ZNF236: variants seen among roughly 807,000 people sequenced by gnomAD.
ZNF236 encodes zinc finger protein 236, also known as regulated by glucose.
In ZNF236, 50 loss-of-function variants were observed where a neutral mutation model predicts 191.2. That is an observed-to-expected ratio of 0.26 (90% CI 0.21 to 0.33). The LOEUF (loss-of-function observed/expected upper bound fraction) is 0.33. Among genes scored for constraint, ZNF236 ranks in the 10% least tolerant of loss-of-function variants. ZNF236 has a pLI of 1.00. For missense variants in ZNF236, 1,754 were observed against 2,374.5 expected, an observed-to-expected ratio of 0.74 and a Z score of 5.43; for synonymous variants, 907 against 928.8, an observed-to-expected ratio of 0.98 and a Z score of 0.43.
chr18:76,931,949 C>A (rs595082), intron 25 of ZNF236, among the ~76,000 whole-genome samples: 99,778 of 152,064 alleles, frequency 0.66, 33,597 homozygotes, highest in East Asian at 0.86. Context: ...TTTCATGCTT[C>A]ATTCTTAATT....
Position 76,960,554 on chromosome 18 carries a change from C to A in ZNF236, c.5243-125C>A, listed in dbSNP as rs1012196085. 1.6e-6 allele frequency: 2 copies of A among 1,269,048 alleles called. No homozygotes were observed. Among genetic ancestry groups the A allele is most frequent in the African/African-American group, 3.0e-5 (2 of 67,250 alleles). 78.6% of individuals were successfully genotyped at this position (1,269,048 alleles called of 1,614,324 possible). A position where few individuals can be genotyped will look rare whatever the true frequency, so the allele number is the denominator to read the frequency against. On this transcript the variant is annotated intron_variant, in intron 29 of 30. Transcript: ENST00000320610. The surrounding 1 kb of genome is among the most constrained non-coding windows in gnomAD (Gnocchi z 4.4). Reference sequence around the variant, plus strand: ...CTCCTCCAGCCCTTTGTTCAGATGACAGCCAGGCTGAAAGCCTAAAAGAAA... The same window carrying A: ...CTCCTCCAGCCCTTTGTTCAGATGAAAGCCAGGCTGAAAGCCTAAAAGAAA...
At chr18:76,868,952 T>C (rs1356436511) in intron 4 of ZNF236, 89 bp downstream of exon 4, 1 of 1,346,432 alleles carries the variant, frequency 7.4e-7, no homozygotes, top group Non-Finnish European at 1.0e-6. Context: ...AAATATTTGC[T>C]GCAAGAACCC....
Position 76,880,208 on chromosome 18 carries a change from C to T in ZNF236, c.1080C>T (p.Ile360=), listed in dbSNP as rs770686933. Residue 360 remains isoleucine (I), a synonymous_variant, in exon 8 of 31, where the codon ATC becomes ATT. Transcript: ENST00000320610. This position sits in a 1 kb window ranked among gnomAD's most constrained non-coding sequence, Gnocchi z 5.0. ...GCTCCCAGGCGGTGAGCGACGTCATCCAGCAGCTCCTGGAGCTCTCAGAGC... is the reference window on the plus strand; with the variant it reads ...GCTCCCAGGCGGTGAGCGACGTCATTCAGCAGCTCCTGGAGCTCTCAGAGC... ...QPSSQAVSDV[I]QQLLELSEPA... 2 of 1,614,044 alleles carry T rather than the reference C, an allele frequency of 1.2e-6. No individual in the cohort carries two copies. The highest frequency in any genetic ancestry group is 2.2e-5 in the East Asian group (1 of 44,886).
rs780026489 is a variant in ZNF236 at position 76,843,775 on chromosome 18, CA to C, written c.56-5721del. 9.2e-3 allele frequency among the ~76,000 whole-genome samples: 76 copies of C among 8,244 alleles called. 2 individuals carry two copies. Among genetic ancestry groups the C allele is most frequent in the African/African-American group, 0.019 (25 of 1,310 alleles). 5.4% of individuals were successfully genotyped at this position (8,244 alleles called of 152,430 possible). On this transcript the variant is annotated intron_variant, in intron 1 of 30. Transcript: ENST00000320610. ...TGGGCTACAGAGGGAGACTCCGTCT[CA>C]AAAAAAAAAAAAAAAAAAAAAAAAA...
intron 1 of ZNF236, among the ~76,000 whole-genome samples, chr18:76,828,123 C>T (rs1975066767): frequency 6.6e-6 from 1 of 151,290 alleles, no homozygotes; most frequent in African/African-American, 2.4e-5. Flanking sequence ...TTCAAGAGCC[C>T]AAGGGGAGGC....
chr18:76,839,720 A>G (rs1975426219), intron 1 of ZNF236, among the ~76,000 whole-genome samples: 1 of 152,030 alleles, frequency 6.6e-6, no homozygotes. Flanking sequence ...TTTATTGAAC[A>G]TGGGGACAGA....
chr18:76,921,652 G>A (rs868641584), intron 20 of ZNF236, among the ~76,000 whole-genome samples: 30 of 151,900 alleles, frequency 2.0e-4, no homozygotes, highest in African/African-American at 7.2e-4. Flanking sequence ...CAGCCAATTA[G>A]CAGAGACAAA....
chr18:76,844,941 G>T (rs962757836), intron 1 of ZNF236, among the ~76,000 whole-genome samples: 4 of 152,176 alleles, frequency 2.6e-5, no homozygotes, highest in African/African-American at 9.7e-5. Flanking sequence ...TGGAGTGATG[G>T]GTAGGGCATT....
At chr18:76,838,782 A>C (rs1221991345) in intron 1 of ZNF236, among the ~76,000 whole-genome samples, 1 of 152,206 alleles carries the variant, frequency 6.6e-6, no homozygotes, top group Non-Finnish European at 1.5e-5. Context: ...TGGTTGGCTC[A>C]ATGAATTTTT....
At chr18:76,912,416 CCCGCT>C in intron 17 of ZNF236, 69 bp downstream of exon 17, 1 of 1,170,570 alleles carries the variant, frequency 8.5e-7, no homozygotes, top group Non-Finnish European at 1.3e-6. Flanking sequence ...GTGTGTTTGC[CCCGCT>C]CCAAGGGCTC....
chr18:76,897,159 T>C (rs186298617), intron 10 of ZNF236, among the ~76,000 whole-genome samples: 133 of 150,748 alleles, frequency 8.8e-4, no homozygotes, highest in African/African-American at 3.0e-3. Flanking sequence ...AACATAGTAC[T>C]GCACACAGGT....
In ZNF236 at chr18:76,908,692, G is replaced by A. The variant is rs1432744146; in HGVS notation, c.2551+119G>A. ...ACTTTTAAAACAATTTGTGCTGTAT[G>A]TGAAAGAGATTGAATTGAGTATTTG... On this transcript the variant is annotated intron_variant, in intron 14 of 30. Transcript: ENST00000320610. The A allele has an allele frequency of 3.8e-5, 50 of 1,312,012 alleles. No individual in the cohort carries two copies. The East Asian group carries it at 9.6e-4, about 25-fold the overall frequency. The allele number at this position is 1,312,012 out of a possible 1,614,324, so 81.3% of individuals were successfully genotyped here. A position where few individuals can be genotyped will look rare whatever the true frequency, so the allele number is the denominator to read the frequency against.
intron 3 of ZNF236, among the ~76,000 whole-genome samples, chr18:76,852,731 G>T (rs1252458190): frequency 6.6e-6 from 1 of 152,084 alleles, no homozygotes; most frequent in African/African-American, 2.4e-5. Flanking sequence ...AAAGGAGAAA[G>T]TCATCTCTAA....
At chr18:76,859,737 A>G (rs137965187) in intron 3 of ZNF236, among the ~76,000 whole-genome samples, 61 of 152,204 alleles carry the variant, frequency 4.0e-4, no homozygotes, top group African/African-American at 1.4e-3. Context: ...CATGTGACCT[A>G]TTCCTGGGCC....
intron 26 of ZNF236, among the ~76,000 whole-genome samples, chr18:76,938,501 G>A (rs1350713273): frequency 6.6e-6 from 1 of 152,178 alleles, no homozygotes; most frequent in Non-Finnish European, 1.5e-5. Context: ...AGCAGGATTG[G>A]CCCTAACACT....
intron 1 of ZNF236, among the ~76,000 whole-genome samples, chr18:76,826,817 A>C (rs1975032707): frequency 6.7e-6 from 1 of 150,308 alleles, no homozygotes; most frequent in Non-Finnish European, 1.5e-5. Context: ...AAAAAAAAGC[A>C]TGCATTTTAG....
At chr18:76,892,192 A>G (rs1218031904) in intron 9 of ZNF236, among the ~76,000 whole-genome samples, 1 of 6,620 alleles carries the variant, frequency 1.5e-4, no homozygotes, top group South Asian at 8.3e-3. Context: ...TTTTTTTTGT[A>G]AATAGGAAGC....
At chr18:76,896,487 G>T (rs1179430672) in intron 10 of ZNF236, among the ~76,000 whole-genome samples, 1 of 147,646 alleles carries the variant, frequency 6.8e-6, no homozygotes, top group Non-Finnish European at 1.5e-5. Flanking sequence ...CACAAGTACA[G>T]CCTCAGTGCT....
rs368452407 is a variant in ZNF236, at chr18:76,971,775, T to C, written c.*3436T>C. 5.3e-4 allele frequency among the ~76,000 whole-genome samples: 80 copies of C among 152,360 alleles called. 2 individuals are homozygous for C. The South Asian group carries it at 0.015, about 28-fold the overall frequency. Reference sequence around the variant, plus strand: ...TGGAAATATTCAAGATAAAATAGTTTGGCATGTAAATCAATTTCAAGATTT... The same window carrying C: ...TGGAAATATTCAAGATAAAATAGTTCGGCATGTAAATCAATTTCAAGATTT... On this transcript the variant is annotated 3_prime_UTR_variant, in exon 31 of 31. Coordinates refer to ENST00000320610, the MANE Select transcript of ZNF236 (RefSeq NM_001306089.2).
Sources: gnomAD v4.1 joint callset for allele counts (sites outside exome capture counted in the v4.1 genomes callset) on GRCh38, gnomAD v4.1.1 for gene constraint, Gnocchi (gnomAD v3.1) non-coding constraint, MANE v1.5 for transcripts, NCBI Gene and HGNC (gene_info 2026-07-23, HGNC 2026-07-21) for gene names.